DMD: variants seen among roughly 807,000 people sequenced by gnomAD.
The protein encoded by DMD is dystrophin, also known as mutant dystrophin.
Under a neutral mutation model 330.1 loss-of-function variants are expected in DMD, and 63 were observed. That is an observed-to-expected ratio of 0.19 (90% CI 0.16 to 0.24). The LOEUF (loss-of-function observed/expected upper bound fraction) is 0.24, where lower values mean the gene tolerates loss of function less well. Among genes scored for constraint, DMD ranks in the 10% least tolerant of loss-of-function variants. DMD has a pLI of 1.00. For synonymous variants in DMD, 1,223 were observed against 959.8 expected, an observed-to-expected ratio of 1.27 and a Z score of -5.07; for missense variants, 3,344 against 2,684.1, an observed-to-expected ratio of 1.25 and a Z score of -5.43.
At chrX:32,393,631 T>A (rs1384562743) in intron 30 of DMD, among the ~76,000 whole-genome samples, 1 of 111,258 alleles carries the variant, frequency 9.0e-6, no homozygotes, top group African/African-American at 3.3e-5. Flanking sequence ...GGTACATTTG[T>A]ATAATATGTA....
chrX:33,323,906 A>T (rs1441200223), intron 1 of DMD, among the ~76,000 whole-genome samples: 1 of 110,704 alleles, frequency 9.0e-6, no homozygotes, highest in African/African-American at 3.3e-5. Context: ...CCATTTTTTC[A>T]GAAGAGAATA....
chrX:31,357,986 TTC>T (rs1243480623), intron 60 of DMD, among the ~76,000 whole-genome samples: 1 of 111,373 alleles, frequency 9.0e-6, no homozygotes, highest in Non-Finnish European at 1.9e-5. Flanking sequence ...CTTCCATTGT[TTC>T]TCTGTGTAGA....
In DMD at chrX:32,342,276, C is replaced by T; in HGVS notation, c.5746G>A (p.Asp1916Asn). 2.5e-6 allele frequency: 3 copies of T among 1,211,300 alleles called. No individual in the cohort carries two copies. Among genetic ancestry groups the T allele is most frequent in the Non-Finnish European group, 3.4e-6 (3 of 895,418 alleles). ...TCTTTCTTCTTCTGCAATTCCCGATCAATTTCCTATTGAGCAAAACCAATA... is the reference window on the plus strand; with the variant it reads ...TCTTTCTTCTTCTGCAATTCCCGATTAATTTCCTATTGAGCAAAACCAATA... ...PRDERKIKEIDRELQKKKEEL... is the reference protein window; with the variant it reads ...PRDERKIKEINRELQKKKEEL... The change falls in exon 41 of 79, where the codon GAT (aspartate) becomes AAT (asparagine). Residue 1916 changes from aspartate (D) to asparagine (N), a missense_variant. Coordinates refer to ENST00000357033, the MANE Select transcript of DMD (RefSeq NM_004006.3).
At position 32,448,565 on chromosome X, in the gene DMD, G is replaced by C. The variant is rs752521629; in HGVS notation, c.3677C>G (p.Ala1226Gly). The C allele has an allele frequency of 6.6e-6, 8 of 1,208,630 alleles. No individual in the cohort carries two copies. The African/African-American group carries it at 1.2e-4, about 18-fold the overall frequency. The change falls in exon 27 of 79, where the codon GCT becomes GGT. Residue 1226 changes from alanine (A) to glycine (G), a missense_variant. Ala to Gly is a moderately conservative substitution (Grantham distance 60, BLOSUM62 0). Coordinates refer to ENST00000357033, the MANE Select transcript of DMD (RefSeq NM_004006.3). ...LLTESVNSVI[A>G]QAPPVAQEAL... is the part of the protein sequence containing the mutation. ...CTCTTGTGCTACAGGTGGAGCTTGA[G>C]CTATGACACTATTTACAGACTCAGT...
intron 42 of DMD, 91 bp downstream of exon 42, chrX:32,309,991 T>C: frequency 1.2e-6 from 1 of 818,466 alleles, no homozygotes; most frequent in South Asian, 2.3e-5. Flanking sequence ...AATGCCATCA[T>C]GATGCATACA....
chrX:31,523,583 C>T (rs2073029377), intron 55 of DMD, among the ~76,000 whole-genome samples: 2 of 112,174 alleles, frequency 1.8e-5, no homozygotes, highest in Admixed American at 9.5e-5. Context: ...TCACTCTAAC[C>T]ACATTCAGAT....
chrX:32,918,295 G>A (rs1428080245), intron 2 of DMD, among the ~76,000 whole-genome samples: 1 of 111,629 alleles, frequency 9.0e-6, no homozygotes, highest in Non-Finnish European at 1.9e-5. Context: ...ACTGACTCCT[G>A]AAATCTAAGT....
At chrX:32,673,046 TATGTGTGTGC>T (rs1380052480) in intron 9 of DMD, among the ~76,000 whole-genome samples, 1 of 111,708 alleles carries the variant, frequency 9.0e-6, no homozygotes, top group African/African-American at 3.3e-5. Context: ...TGTGTATGTG[TATGTGTGTGC>T]ATGTGCGTGT....
chrX:31,942,062 G>C (rs1284311710), intron 45 of DMD, among the ~76,000 whole-genome samples: 1 of 111,718 alleles, frequency 9.0e-6, no homozygotes, highest in Non-Finnish European at 1.9e-5. Context: ...GAGATTGCTG[G>C]GTTGAATGGC....
intron 44 of DMD, among the ~76,000 whole-genome samples, chrX:31,980,988 A>C (rs533449401): frequency 8.9e-6 from 1 of 112,075 alleles, no homozygotes; most frequent in Admixed American, 9.5e-5. Context: ...GTACATATGG[A>C]CCCTTCTTAT....
At chrX:32,611,170 A>C (rs746363732) in intron 12 of DMD, among the ~76,000 whole-genome samples, 1 of 106,725 alleles carries the variant, frequency 9.4e-6, no homozygotes, top group East Asian at 2.9e-4. Context: ...ATCAATATTC[A>C]GGACTTGAAT....
chrX:32,825,522 T>C lies in DMD; in HGVS notation c.265-2135A>G, dbSNP rs1321799735. Among the ~76,000 whole-genome samples, 7 of 112,168 alleles carry C rather than the reference T, an allele frequency of 6.2e-5. No homozygotes were observed. The Admixed American group carries it at 6.6e-4, about 11-fold the overall frequency. On this transcript the variant is annotated intron_variant, in intron 4 of 78. Transcript: ENST00000357033. ...TTAGGCTCTAGCAATTCTACCTCTA[T>C]GTTTATAACCAAAATAATTAAAAAC... is the stretch of plus-strand genomic sequence containing the variant.
At chrX:32,706,699 G>A (rs1471332527) in intron 7 of DMD, among the ~76,000 whole-genome samples, 4 of 112,353 alleles carry the variant, frequency 3.6e-5, no homozygotes, top group Admixed American at 9.4e-5. Flanking sequence ...CTATTTGAGC[G>A]TTCTGTTAAT....
chrX:31,993,702 A>G (rs1454728170), intron 44 of DMD, among the ~76,000 whole-genome samples: 1 of 112,285 alleles, frequency 8.9e-6, no homozygotes, highest in Non-Finnish European at 1.9e-5. Flanking sequence ...AAGAGACTTA[A>G]CAAAGACAAA....
At chrX:31,149,113 C>G (rs1399831106) in intron 74 of DMD, among the ~76,000 whole-genome samples, 1 of 112,211 alleles carries the variant, frequency 8.9e-6, no homozygotes, top group African/African-American at 3.2e-5. Flanking sequence ...ACATTTAGGA[C>G]TTGAATTTAC....
At chrX:31,741,131 C>T (rs1369811019) in intron 51 of DMD, among the ~76,000 whole-genome samples, 1 of 111,944 alleles carries the variant, frequency 8.9e-6, no homozygotes, top group African/African-American at 3.2e-5. Flanking sequence ...TCTGACTCCA[C>T]TTCTCATTCT....
intron 44 of DMD, among the ~76,000 whole-genome samples, chrX:32,160,010 C>T (rs1329230242): frequency 9.0e-6 from 1 of 111,033 alleles, no homozygotes; most frequent in Non-Finnish European, 1.9e-5. Context: ...CGGGAAGCTA[C>T]TGAAGGATTT....
At chrX:31,801,414 G>A (rs950898837) in intron 50 of DMD, among the ~76,000 whole-genome samples, 6 of 111,626 alleles carry the variant, frequency 5.4e-5, no homozygotes, top group African/African-American at 2.0e-4. Flanking sequence ...TACAATTCAA[G>A]GTGAGATTTG....
At chrX:31,339,546 T>G (rs913446428) in intron 61 of DMD, among the ~76,000 whole-genome samples, 2 of 111,887 alleles carry the variant, frequency 1.8e-5, no homozygotes, top group Non-Finnish European at 3.8e-5. Flanking sequence ...TGCAAAATTC[T>G]TTCTGACTTT....
Sources: allele counts gnomAD v4.1 joint callset (sites outside exome capture counted in the v4.1 genomes callset), GRCh38; gene constraint gnomAD v4.1.1; transcripts MANE v1.5; gene names NCBI Gene and HGNC (gene_info 2026-07-23, HGNC 2026-07-21).